Variants in ANO10 observed in about 807,000 individuals in gnomAD.
The protein encoded by ANO10 is anoctamin-10.
A neutral mutation model predicts 74.7 loss-of-function variants in ANO10; 77 were observed. The observed-to-expected ratio is 1.03, with a 90% CI of 0.86 to 1.25. The LOEUF is 1.25. Among genes scored for constraint, ANO10 ranks in the 50% most tolerant of loss-of-function variants. ANO10 has a pLI of 0.00. For synonymous variants in ANO10, 279 were observed against 284.9 expected (o/e 0.98, Z 0.21); for missense variants, 721 against 778.1 (o/e 0.93, Z 0.87).
chr3:43,501,593 G>A (rs1009677765), intron 11 of ANO10, among the ~76,000 whole-genome samples: 10 of 152,158 alleles, frequency 6.6e-5, no homozygotes, highest in South Asian at 2.1e-4. Flanking sequence ...AAAGGGAAGA[G>A]AGGTTGAAAG....
intron 11 of ANO10, among the ~76,000 whole-genome samples, chr3:43,499,214 C>T (rs543041931): frequency 1.1e-4 from 16 of 152,188 alleles, no homozygotes; most frequent in South Asian, 8.3e-4. Flanking sequence ...ATTTATCAAA[C>T]GATACTTGTG....
chr3:43,599,282 T>G (rs1165871898), intron 3 of ANO10, among the ~76,000 whole-genome samples: 1 of 152,204 alleles, frequency 6.6e-6, no homozygotes, highest in Non-Finnish European at 1.5e-5. Flanking sequence ...CTGAAAGCCC[T>G]GGCAGGGATC....
At chr3:43,604,252 T>A (rs2082461275) in intron 2 of ANO10, among the ~76,000 whole-genome samples, 1 of 152,196 alleles carries the variant, frequency 6.6e-6, no homozygotes. Context: ...TTCTAGCTAT[T>A]TGAAACTCTG....
At chr3:43,563,908 T>C (rs1252877051) in intron 8 of ANO10, among the ~76,000 whole-genome samples, 1 of 152,016 alleles carries the variant, frequency 6.6e-6, no homozygotes, top group East Asian at 1.9e-4. Context: ...AACATACAAT[T>C]AGAGAGAAGA....
intron 11 of ANO10, among the ~76,000 whole-genome samples, chr3:43,524,993 C>T (rs2078126037): frequency 6.6e-6 from 1 of 152,188 alleles, no homozygotes; most frequent in South Asian, 2.1e-4. Context: ...CTTAAACATT[C>T]TCCATGCTGG....
At position 43,568,171 on chromosome 3, in the gene ANO10, A is replaced by C. The variant is rs867251032; in HGVS notation, c.1219-2444T>G. The stretch of plus-strand genomic sequence containing the variant: ...TATATGCACCCAATACAGGAGCACC[A>C]AGATTCATAAAGCAAATCCTTAGAG... On this transcript the variant is annotated intron_variant, in intron 7 of 12. Coordinates refer to ENST00000292246, the MANE Select transcript of ANO10 (RefSeq NM_018075.5). Among the ~76,000 whole-genome samples, 33 of 152,322 alleles carry C rather than the reference A, an allele frequency of 2.2e-4. 1 individual carries two copies. The highest frequency in any genetic ancestry group is 3.4e-3 in the Middle Eastern group (1 of 294).
intron 11 of ANO10, among the ~76,000 whole-genome samples, chr3:43,486,486 G>A (rs2076494064): frequency 2.0e-5 from 3 of 148,344 alleles, no homozygotes; most frequent in African/African-American, 7.4e-5. Flanking sequence ...ATTTCCTTGA[G>A]CAGTGGTTTG....
intron 11 of ANO10, among the ~76,000 whole-genome samples, chr3:43,477,623 C>G (rs575974915): frequency 2.6e-5 from 4 of 152,196 alleles, no homozygotes; most frequent in Admixed American, 6.5e-5. Flanking sequence ...TAATACTGTA[C>G]TTGTGGTAAG....
At chr3:43,593,568 T>C (rs184878978) in intron 4 of ANO10, among the ~76,000 whole-genome samples, 219 of 152,302 alleles carry the variant, frequency 1.4e-3, no homozygotes, top group African/African-American at 5.0e-3. Context: ...CTGAAAGATT[T>C]TGTCACCACC....
Position 43,485,083 on chromosome 3 carries a change from C to T in ANO10, c.1798-52356G>A, listed in dbSNP as rs2076417947. 8 of 1,165,304 alleles carry T rather than the reference C, an allele frequency of 6.9e-6. No homozygotes were observed. The Admixed American group carries it at 7.3e-5, about 11-fold the overall frequency. The allele number at this position is 1,165,304 out of a possible 1,614,324, so 72.2% of individuals were successfully genotyped here. A position where few individuals can be genotyped will look rare whatever the true frequency, so the allele number is the denominator to read the frequency against. On this transcript the variant is annotated intron_variant, in intron 11 of 12. Transcript: ENST00000292246. Reference sequence around the variant, plus strand: ...TGGAGTCGTGGAACTGCTTGACAGCCGGCCGGCGGCACTTGCTGGCTGCGA... The same window carrying T: ...TGGAGTCGTGGAACTGCTTGACAGCTGGCCGGCGGCACTTGCTGGCTGCGA...
chr3:43,621,207 A>G (rs1433600969), intron 1 of ANO10, among the ~76,000 whole-genome samples: 1 of 152,200 alleles, frequency 6.6e-6, no homozygotes, highest in Non-Finnish European at 1.5e-5. Context: ...AGCGCACACC[A>G]ATGCTGGTGC....
chr3:43,552,304 T>C (rs565527136), intron 10 of ANO10, among the ~76,000 whole-genome samples: 4 of 152,236 alleles, frequency 2.6e-5, no homozygotes, highest in African/African-American at 9.6e-5. Context: ...CCTGTAATCC[T>C]AGCACTTTGG....
intron 2 of ANO10, among the ~76,000 whole-genome samples, chr3:43,601,964 C>A (rs1168313813): frequency 6.6e-6 from 1 of 152,222 alleles, no homozygotes; most frequent in Non-Finnish European, 1.5e-5. Flanking sequence ...CTGCTTCCAG[C>A]CATCAGCTGG....
chr3:43,601,250 G>A (rs1002985479), intron 2 of ANO10, among the ~76,000 whole-genome samples: 1 of 152,166 alleles, frequency 6.6e-6, no homozygotes, highest in African/African-American at 2.4e-5. Flanking sequence ...CTATTGCCCA[G>A]GTTGGAGTAC....
At chr3:43,378,631 C>A (rs1337598628) in intron 12 of ANO10, among the ~76,000 whole-genome samples, 3 of 152,092 alleles carry the variant, frequency 2.0e-5, no homozygotes, top group South Asian at 2.1e-4. Flanking sequence ...AACTCTATAT[C>A]CCCTCACTGT....
chr3:43,573,147 C>A (rs2080822304), intron 7 of ANO10, among the ~76,000 whole-genome samples: 1 of 152,138 alleles, frequency 6.6e-6, no homozygotes, highest in African/African-American at 2.4e-5. Context: ...TTCGAATGAA[C>A]TTTTTAATGT....
intron 2 of ANO10, among the ~76,000 whole-genome samples, chr3:43,602,192 C>T (rs1364870730): frequency 6.6e-6 from 1 of 152,138 alleles, no homozygotes; most frequent in Admixed American, 6.5e-5. Context: ...TCCTTCTTTC[C>T]ACAAATATTT....
At chr3:43,688,820 G>A (rs2084309715) in intron 1 of ANO10, among the ~76,000 whole-genome samples, 1 of 151,602 alleles carries the variant, frequency 6.6e-6, no homozygotes, top group African/African-American at 2.4e-5. Context: ...CTCCAGCCAG[G>A]GCAACAGAGT....
intron 1 of ANO10, chr3:43,638,559 A>AT (rs2083636904): frequency 1.3e-5 from 2 of 152,166 alleles, no homozygotes; most frequent in African/African-American, 4.8e-5. Context: ...TTTAGTAAGT[A>AT]TTTTTTAAAG....
Sources: gnomAD v4.1 joint callset for allele counts (sites outside exome capture counted in the v4.1 genomes callset) on GRCh38, gnomAD v4.1.1 for gene constraint, MANE v1.5 for transcripts, NCBI Gene and HGNC (gene_info 2026-07-23, HGNC 2026-07-21) for gene names.